TIAM2: variants seen among roughly 807,000 people sequenced by gnomAD.
TIAM2 encodes the protein rho guanine nucleotide exchange factor TIAM2.
A neutral mutation model predicts 152.9 loss-of-function variants in TIAM2; 80 were observed. The observed-to-expected ratio is 0.52, with a 90% CI of 0.44 to 0.63. The LOEUF (loss-of-function observed/expected upper bound fraction) is 0.63, where lower values mean the gene tolerates loss of function less well. TIAM2 is among the 30% of genes least tolerant of loss of function. TIAM2 has a pLI of 0.00. For synonymous variants in TIAM2, 804 were observed against 838.0 expected (o/e 0.96, Z 0.70); for missense variants, 1,965 against 2,120.1 (o/e 0.93, Z 1.44).
chr6:155,029,631 A>C (rs1192300268), intron 1 of TIAM2, among the ~76,000 whole-genome samples: 2 of 115,436 alleles, frequency 1.7e-5, no homozygotes, highest in Admixed American at 2.1e-4. Context: ...GTATATAACT[A>C]TATATAGTTA....
At chr6:155,179,760 C>A (rs1483121629) in intron 12 of TIAM2, among the ~76,000 whole-genome samples, 4 of 152,176 alleles carry the variant, frequency 2.6e-5, no homozygotes, top group Non-Finnish European at 5.9e-5. Context: ...CTGCTCTGAG[C>A]AGACCAACTC....
chr6:155,134,693 G>GT (rs1354425332), intron 4 of TIAM2, among the ~76,000 whole-genome samples: 1 of 151,926 alleles, frequency 6.6e-6, no homozygotes, highest in African/African-American at 2.4e-5. Context: ...CCTTTTAGGA[G>GT]TTTTTTGTTT....
rs142087851 is a variant in TIAM2 at position 155,111,399 on chromosome 6, A to G, written c.-117-16091A>G. Among the ~76,000 whole-genome samples, 669 of 152,300 alleles carry G rather than the reference A, an allele frequency of 4.4e-3. 5 individuals are homozygous for G. Among genetic ancestry groups the G allele is most frequent in the Non-Finnish European group, 7.3e-3 (499 of 68,010 alleles). ...ATCCAAACAGCCAGACAAGTTAACTATAAAACAACAACAATAACAAGCCCC... is the reference window on the plus strand; with the variant it reads ...ATCCAAACAGCCAGACAAGTTAACTGTAAAACAACAACAATAACAAGCCCC... On this transcript the variant is annotated intron_variant, in intron 2 of 26. Transcript: ENST00000682666.
In TIAM2 at chr6:155,148,561, A is replaced by G. The variant is rs572261783; in HGVS notation, c.2028+227A>G. Among the ~76,000 whole-genome samples, 9 of 152,276 alleles carry G rather than the reference A, an allele frequency of 5.9e-5. 1 individual carries two copies. The East Asian group carries it at 1.4e-3, about 23-fold the overall frequency. On this transcript the variant is annotated intron_variant, in intron 7 of 26. Transcript: ENST00000682666. ...TATGACCTTTGGCGGCTCTATGTAT[A>G]TACTGAAATATTTTGTGACCCAAAC...
intron 1 of TIAM2, among the ~76,000 whole-genome samples, chr6:155,028,264 T>C (rs1776668350): frequency 1.5e-5 from 2 of 131,354 alleles, no homozygotes; most frequent in African/African-American, 2.7e-5. Context: ...ACATATATAC[T>C]ACATATAATA....
chr6:155,193,820 G>T (rs754032873), intron 14 of TIAM2, among the ~76,000 whole-genome samples: 1 of 152,244 alleles, frequency 6.6e-6, no homozygotes. Context: ...AATGAAGAGC[G>T]CAATGGTGCT....
At chr6:155,235,213 G>C (rs1168590836) in intron 15 of TIAM2, among the ~76,000 whole-genome samples, 4 of 152,244 alleles carry the variant, frequency 2.6e-5, no homozygotes, top group Non-Finnish European at 5.9e-5. Context: ...GTGCACAGCA[G>C]CTGCTCGGCA....
At chr6:154,996,945 A>G (rs1322396356) in intron 1 of TIAM2, among the ~76,000 whole-genome samples, 5 of 152,158 alleles carry the variant, frequency 3.3e-5, no homozygotes. Flanking sequence ...TTTATTATTT[A>G]CTGTGGCAAA....
chr6:155,230,999 ATT>A (rs144375888), intron 15 of TIAM2, among the ~76,000 whole-genome samples: 132 of 146,844 alleles, frequency 9.0e-4, no homozygotes, highest in African/African-American at 1.1e-3. Flanking sequence ...AGCCTGGCTA[ATT>A]TTTTTTTTTT....
intron 9 of TIAM2, among the ~76,000 whole-genome samples, chr6:155,173,170 TGTG>T (rs1780672776): frequency 1.5e-5 from 1 of 68,472 alleles, no homozygotes; most frequent in Non-Finnish European, 4.4e-5. Flanking sequence ...TTGTGAGGGT[TGTG>T]TGTGTGTGTG....
intron 1 of TIAM2, among the ~76,000 whole-genome samples, chr6:155,057,541 C>CTT (rs71023613): frequency 0.26 from 21,048 of 79,716 alleles, 4,116 homozygotes; most frequent in Non-Finnish European, 0.33. Flanking sequence ...CCATAATGTA[C>CTT]TTTTTTTTTT....
chr6:155,060,732 C>A (rs1777559303), intron 1 of TIAM2, among the ~76,000 whole-genome samples: 1 of 152,046 alleles, frequency 6.6e-6, no homozygotes, highest in Non-Finnish European at 1.5e-5. Context: ...CCTGTCTCTA[C>A]TAAAAATACA....
chr6:155,140,517 G>C (rs993019498), intron 5 of TIAM2, among the ~76,000 whole-genome samples: 1 of 151,666 alleles, frequency 6.6e-6, no homozygotes, highest in Non-Finnish European at 1.5e-5. Context: ...TCACCCTAGT[G>C]GTGGGGGTTA....
intron 1 of TIAM2, chr6:155,016,388 A>G (rs1170384467): frequency 1.3e-5 from 2 of 152,130 alleles, no homozygotes; most frequent in Non-Finnish European, 2.9e-5. Context: ...CTATAATCCC[A>G]TTTTTGTAGA....
intron 14 of TIAM2, among the ~76,000 whole-genome samples, chr6:155,203,048 C>CAAAAAAAAAAAAAAAAAAAAAAA (rs59836931): frequency 1.3e-5 from 1 of 78,920 alleles, no homozygotes; most frequent in African/African-American, 6.7e-5. Flanking sequence ...AACTCTGTCT[C>CAAAAAAAAAAAAAAAAAAAAAAA]AAAAAAAAAA....
At chr6:155,190,025 T>C (rs1179145857) in intron 14 of TIAM2, among the ~76,000 whole-genome samples, 1 of 152,198 alleles carries the variant, frequency 6.6e-6, no homozygotes, top group Non-Finnish European at 1.5e-5. Context: ...GAAAGTCTAT[T>C]GGGGCCAGAT....
chr6:155,119,456 C>T (rs939478730), intron 2 of TIAM2, among the ~76,000 whole-genome samples: 1 of 152,128 alleles, frequency 6.6e-6, no homozygotes, highest in African/African-American at 2.4e-5. Context: ...TCTCATGCCT[C>T]AGCCTCTCGA....
In TIAM2 at chr6:155,130,270, C is replaced by T. The variant is rs375494198; in HGVS notation, c.1047C>T (p.Asp349=). Reference sequence around the variant, plus strand: ...TGCCCTCCAGAGTGGCACACGGGGACCCCATCCAGTACAGTTCCTTCACTC... The same window carrying T: ...TGCCCTCCAGAGTGGCACACGGGGATCCCATCCAGTACAGTTCCTTCACTC... ...IDVPSRVAHG[D]PIQYSSFTLP... is the part of the protein sequence containing the mutation. Residue 349 remains aspartate, a synonymous_variant, in exon 4 of 27, where the codon GAC becomes GAT. Transcript: ENST00000682666. 3.7e-6 allele frequency: 6 copies of T among 1,614,190 alleles called. No homozygotes were observed. In the African/African-American group the frequency reaches 4.0e-5, roughly 11 times the overall value.
intron 1 of TIAM2, among the ~76,000 whole-genome samples, chr6:155,081,414 A>G (rs1294752479): frequency 6.6e-6 from 1 of 152,084 alleles, no homozygotes. Context: ...TGAAAAAAAA[A>G]AAAAGCCACA....
Sources: gnomAD v4.1 joint callset for allele counts (sites outside exome capture counted in the v4.1 genomes callset) on GRCh38, gnomAD v4.1.1 for gene constraint, MANE v1.5 for transcripts, NCBI Gene and HGNC (gene_info 2026-07-23, HGNC 2026-07-21) for gene names.